The following CLEC19A variants were observed in gnomAD, a reference collection of about 807,000 sequenced individuals.
The protein encoded by CLEC19A is C-type lectin domain containing 19A.
In CLEC19A, 21 loss-of-function variants were observed where a neutral mutation model predicts 26.1. That is an observed-to-expected ratio of 0.80 (90% CI 0.57 to 1.16). The LOEUF is 1.16. Among genes scored for constraint, CLEC19A ranks in the 50% most tolerant of loss-of-function variants. The pLI, the probability that CLEC19A is intolerant of heterozygous loss-of-function variation, is 0.00. For synonymous variants in CLEC19A, 89 were observed against 88.6 expected (o/e 1.00, Z -0.03); for missense variants, 224 against 227.6 (o/e 0.98, Z 0.10).
chr16:19,294,279 A>G (rs1218735906), intron 1 of CLEC19A, among the ~76,000 whole-genome samples: 1 of 152,232 alleles, frequency 6.6e-6, no homozygotes. Context: ...ATCTGCAAAC[A>G]TCCTGCTCAA....
intron 3 of CLEC19A, among the ~76,000 whole-genome samples, chr16:19,306,543 T>C (rs1597089792): frequency 6.6e-6 from 1 of 152,138 alleles, no homozygotes; most frequent in Admixed American, 6.6e-5. Context: ...AACTCTAAAA[T>C]TGGATTATAA....
chr16:19,304,362 T>C (rs1292922461), intron 3 of CLEC19A: 2 of 423,972 alleles, frequency 4.7e-6, no homozygotes, highest in Non-Finnish European at 8.5e-6. Flanking sequence ...ACAGATAGCA[T>C]GGTCAGAGAA....
chr16:19,306,328 G>A (rs1183862327), intron 3 of CLEC19A, among the ~76,000 whole-genome samples: 3 of 151,258 alleles, frequency 2.0e-5, no homozygotes. Context: ...TAATTTTTTG[G>A]TAGAGACAGG....
At chr16:19,302,569 G>A (rs1031984700) in intron 2 of CLEC19A, among the ~76,000 whole-genome samples, 1 of 152,148 alleles carries the variant, frequency 6.6e-6, no homozygotes, top group Admixed American at 6.5e-5. Context: ...TTATCATTCT[G>A]TATTGATTTC....
chr16:19,291,602 G>C (rs931465053), intron 1 of CLEC19A, among the ~76,000 whole-genome samples: 1 of 152,200 alleles, frequency 6.6e-6, no homozygotes, highest in African/African-American at 2.4e-5. Context: ...GTGTTGCCAT[G>C]GTTACCTGAC....
chr16:19,292,490 A>G (rs966166952), intron 1 of CLEC19A, among the ~76,000 whole-genome samples: 2 of 152,048 alleles, frequency 1.3e-5, no homozygotes, highest in South Asian at 4.1e-4. Flanking sequence ...CCTTCTCACC[A>G]TTTTCCCAAG....
At position 19,308,997 on chromosome 16, in the gene CLEC19A, A is replaced by T; in HGVS notation, c.482-7A>T. ...TCACCCAGATTCTCTGCTTCTTTCC[A>T]TCACAGCTCTGAGGTCATGGAATGA... On this transcript the variant is annotated splice_polypyrimidine_tract_variant and splice_region_variant and intron_variant, in intron 4 of 4. Transcript: ENST00000636231. 1 of 1,547,978 alleles carries T rather than the reference A, an allele frequency of 6.5e-7. No homozygotes were observed. The highest frequency in any genetic ancestry group is 2.4e-5 in the East Asian group (1 of 40,916).
chr16:19,287,860 A>G (rs1897505348), intron 1 of CLEC19A, among the ~76,000 whole-genome samples: 2 of 152,224 alleles, frequency 1.3e-5, no homozygotes, highest in African/African-American at 4.8e-5. Flanking sequence ...TATTGCCATT[A>G]CTATGTTTGC....
intron 3 of CLEC19A, chr16:19,304,920 A>G (rs1020517194): frequency 7.2e-5 from 11 of 152,444 alleles, no homozygotes; most frequent in African/African-American, 2.4e-4. Context: ...GGCTAGGCCA[A>G]TGGGGAGTCC....
chr16:19,302,949 C>T (rs1897867047), intron 2 of CLEC19A, among the ~76,000 whole-genome samples: 1 of 152,208 alleles, frequency 6.6e-6, no homozygotes, highest in Non-Finnish European at 1.5e-5. Context: ...GATGTCCCCA[C>T]AAACATTGCC....
chr16:19,297,037 G>T (rs1897719664), intron 1 of CLEC19A, among the ~76,000 whole-genome samples: 2 of 152,160 alleles, frequency 1.3e-5, no homozygotes, highest in Admixed American at 1.3e-4. Flanking sequence ...GTATGAGAAA[G>T]GTTCTCAGCC....
chr16:19,285,838 T>A lies in CLEC19A; in HGVS notation c.-14T>A. The stretch of plus-strand genomic sequence containing the variant: ...CTCCACTCAGGCTGGGAGGTTGCTT[T>A]CTAGGAGCTCAGGATGCAAAGGTGG... On this transcript the variant is annotated 5_prime_UTR_variant, in exon 1 of 5. Transcript: ENST00000636231. 6.5e-7 allele frequency: 1 copy of A among 1,550,240 alleles called. No individual in the cohort carries two copies.
At chr16:19,291,205 T>A (rs1597079733) in intron 1 of CLEC19A, among the ~76,000 whole-genome samples, 1 of 152,178 alleles carries the variant, frequency 6.6e-6, no homozygotes, top group Non-Finnish European at 1.5e-5. Context: ...AGAAGGCGCA[T>A]CTGTGTAGTA....
intron 1 of CLEC19A, among the ~76,000 whole-genome samples, chr16:19,295,849 T>C (rs1897694790): frequency 1.3e-5 from 2 of 152,154 alleles, no homozygotes; most frequent in Non-Finnish European, 2.9e-5. Context: ...TAGGCAGTGC[T>C]CAAAAGTCCC....
At chr16:19,291,744 G>A (rs1285327522) in intron 1 of CLEC19A, among the ~76,000 whole-genome samples, 4 of 152,226 alleles carry the variant, frequency 2.6e-5, no homozygotes, top group Non-Finnish European at 1.5e-5. Flanking sequence ...AGGGGGAAAT[G>A]CCGTGCAGGC....
At chr16:19,301,250 C>T (rs1897813212) in intron 2 of CLEC19A, among the ~76,000 whole-genome samples, 1 of 152,174 alleles carries the variant, frequency 6.6e-6, no homozygotes, top group Non-Finnish European at 1.5e-5. Flanking sequence ...AACCAGCCAG[C>T]CCCTGGGAGA....
intron 1 of CLEC19A, among the ~76,000 whole-genome samples, chr16:19,290,210 C>T (rs1463221293): frequency 1.3e-5 from 2 of 151,948 alleles, no homozygotes; most frequent in Non-Finnish European, 2.9e-5. Context: ...AGGCTTTGAC[C>T]CCCCACCCCA....
chr16:19,306,410 G>C (rs983132542), intron 3 of CLEC19A, among the ~76,000 whole-genome samples: 1 of 151,884 alleles, frequency 6.6e-6, no homozygotes, highest in Non-Finnish European at 1.5e-5. Context: ...GCCTCACAAA[G>C]TGCTGGGATT....
intron 1 of CLEC19A, among the ~76,000 whole-genome samples, chr16:19,292,379 G>T (rs902956836): frequency 1.3e-5 from 2 of 152,136 alleles, no homozygotes; most frequent in Non-Finnish European, 2.9e-5. Context: ...GCAAAACCAG[G>T]ATCTGGCAAC....
Sources: gnomAD v4.1 joint callset for allele counts (sites outside exome capture counted in the v4.1 genomes callset) on GRCh38, gnomAD v4.1.1 for gene constraint, MANE v1.5 for transcripts, NCBI Gene and HGNC (gene_info 2026-07-23, HGNC 2026-07-21) for gene names.